Variants in RYR1 observed in about 807,000 individuals in gnomAD.
RYR1 encodes ryanodine receptor 1, also known as central core disease of muscle.
RYR1 carries 342 observed loss-of-function variants against 583.5 expected under a neutral mutation model. The observed-to-expected ratio is 0.59, with a 90% confidence interval of 0.54 to 0.64. The LOEUF (loss-of-function observed/expected upper bound fraction) is 0.64. Ranked by LOEUF, RYR1 falls within the 30% of genes least tolerant of loss-of-function variation. RYR1 has a pLI of 0.00. For synonymous variants in RYR1, 2,791 were observed against 2,822.5 expected (o/e 0.99, Z 0.35); for missense variants, 6,032 against 6,917.2 (o/e 0.87, Z 4.54).
chr19:38,538,913 T>C (rs1972086624), intron 84 of RYR1, among the ~76,000 whole-genome samples: 1 of 152,192 alleles, frequency 6.6e-6, no homozygotes, highest in Non-Finnish European at 1.5e-5. Context: ...TTCTACCCAA[T>C]GCCATTTCCT....
rs764262446 is a variant in RYR1 at position 38,452,824 on chromosome 19, T to C, written c.1250T>C (p.Leu417Pro). Residue 417 changes from leucine (L) to proline (P), a missense_variant, in exon 13 of 106, where the codon CTG (leucine) becomes CCG (proline). Physicochemically the swap from Leu to Pro is moderately conservative, Grantham distance 98. Around this residue, in one of 11 missense-constraint regions of RYR1, gnomAD observed 2,627 missense variants for 2,961.3 expected, o/e 0.89. Coordinates refer to ENST00000359596, the MANE Select transcript of RYR1 (RefSeq NM_000540.3). The stretch of plus-strand genomic sequence containing the variant: ...CAGCTGCGAGGTCCCTGTAGGAGCC[T>C]GGACAGCTTCAGCGGGAAGCCACGG... ...NGLYNQFIKS[L>P]DSFSGKPRGS... 19 of 1,591,452 alleles carry C rather than the reference T, an allele frequency of 1.2e-5. No homozygotes were observed. The Admixed American group carries it at 1.4e-4, about 12-fold the overall frequency.
At chr19:38,433,915 G>A in intron 1 of RYR1, 41 bp downstream of exon 1, 1 of 1,572,798 alleles carries the variant, frequency 6.4e-7, no homozygotes, top group Non-Finnish European at 8.8e-7. Flanking sequence ...GCTATCTCTT[G>A]GGGCTCTCTG....
intron 54 of RYR1, 143 bp from the exon 55 acceptor site, chr19:38,506,160 C>A: frequency 9.6e-7 from 1 of 1,045,092 alleles, no homozygotes; most frequent in Non-Finnish European, 1.4e-6. Context: ...GGTTTAGAGA[C>A]AGGGCCTTAA....
chr19:38,463,497 C>T lies in RYR1; in HGVS notation c.2652C>T (p.Thr884=). ...AENIHELWAL[T]RIEQGWTYGP... ...ACATCCACGAGCTCTGGGCGCTAAC[C>T]CGCATCGAGCAGGGCTGGACCTACG... The change falls in exon 21 of 106, where the codon ACC becomes ACT. Residue 884 remains threonine (T), a synonymous_variant. Transcript: ENST00000359596. 1 of 1,613,216 alleles carries T rather than the reference C, an allele frequency of 6.2e-7. No homozygotes were observed. Among genetic ancestry groups the T allele is most frequent in the Non-Finnish European group, 8.5e-7 (1 of 1,179,988 alleles).
At chr19:38,521,183 G>A (rs1318582066) in intron 67 of RYR1, among the ~76,000 whole-genome samples, 1 of 152,072 alleles carries the variant, frequency 6.6e-6, no homozygotes, top group Admixed American at 6.6e-5. Context: ...CTCAGGCTGG[G>A]ACTGGGAGGC....
chr19:38,528,998 G>T lies in RYR1; in HGVS notation c.11082G>T (p.Lys3694Asn), dbSNP rs928969739. 1.2e-6 allele frequency: 2 copies of T among 1,613,688 alleles called. No individual in the cohort carries two copies. The highest frequency in any genetic ancestry group is 1.7e-6 in the Non-Finnish European group (2 of 1,179,870). The change falls in exon 76 of 106, where the codon AAG becomes AAT. Residue 3694 changes from lysine to asparagine, a missense_variant. By Grantham distance (94) the Lys-to-Asn change is moderately conservative. Coordinates refer to ENST00000359596, the MANE Select transcript of RYR1 (RefSeq NM_000540.3). ...AGGAGGAAGAGGTGGAAGAGAAGAA[G>T]CCAGACCCCCTGCACCAGTTGGTCC... Reference protein sequence around the residue: ...EEEEEEVEEKKPDPLHQLVLH... With the variant: ...EEEEEEVEEKNPDPLHQLVLH...
rs776649883 is a variant in RYR1, at chr19:38,490,726, C to T, written c.6121C>T (p.His2041Tyr). 5.0e-6 allele frequency: 8 copies of T among 1,608,216 alleles called. No homozygotes were observed. Among genetic ancestry groups the T allele is most frequent in the Non-Finnish European group, 6.8e-6 (8 of 1,174,510 alleles). Residue 2041 changes from histidine (H) to tyrosine (Y), a missense_variant, in exon 37 of 106, where the codon CAC becomes TAC. Physicochemically the swap from His to Tyr is moderately conservative, Grantham distance 83. This residue lies in a region of RYR1 where 2,627 missense variants were observed against 2,961.3 expected (regional missense o/e 0.89). Coordinates refer to ENST00000359596, the MANE Select transcript of RYR1 (RefSeq NM_000540.3). ...TGACTTTCATCAAGACCTGCTGGCA[C>T]ACTGTGGTAAGGAGTGGGGATCAGA... is the stretch of plus-strand genomic sequence containing the variant. ...LLDFHQDLLA[H>Y]CGIQLDGEEE...
intron 90 of RYR1, among the ~76,000 whole-genome samples, chr19:38,563,241 G>A (rs1174558514): frequency 5.3e-5 from 8 of 152,196 alleles, no homozygotes; most frequent in Admixed American, 2.6e-4. Flanking sequence ...GCACCTGTGG[G>A]GCAGTATAAT....
At chr19:38,507,058 G>C (rs994999964) in intron 57 of RYR1, 106 bp downstream of exon 57, 1 of 1,552,354 alleles carries the variant, frequency 6.4e-7, no homozygotes, top group East Asian at 2.3e-5. Flanking sequence ...AACGGGGCCT[G>C]AGGAGCAAAG....
At position 38,528,412 on chromosome 19, in the gene RYR1, T is replaced by C; in HGVS notation, c.10931T>C (p.Leu3644Pro). The C allele has an allele frequency of 6.2e-7, 1 of 1,614,066 alleles. No individual in the cohort carries two copies. The highest frequency in any genetic ancestry group is 8.5e-7 in the Non-Finnish European group (1 of 1,179,998). The change falls in exon 74 of 106, where the codon CTG (leucine) becomes CCG (proline). Residue 3644 changes from leucine to proline, a missense_variant. Physicochemically the swap from Leu to Pro is moderately conservative, Grantham distance 98. This residue lies in a region of RYR1 where 1,493 missense variants were observed against 1,715.5 expected (regional missense o/e 0.87). Coordinates refer to ENST00000359596, the MANE Select transcript of RYR1 (RefSeq NM_000540.3). Reference sequence around the variant, plus strand: ...TTCCGTATGACGCCCCTGTACAACCTGCCCACGTAAGGCCCCCAGGGACAA... The same window carrying C: ...TTCCGTATGACGCCCCTGTACAACCCGCCCACGTAAGGCCCCCAGGGACAA... ...ACFRMTPLYN[L>P]PTHRACNMFL...
At position 38,439,197 on chromosome 19, in the gene RYR1, T is replaced by TG. The variant is rs569481132; in HGVS notation, c.46-1547dup. ...CCTATACCATTACTATTTTTTTTTT[T>TG]GTTTGTTTTTTGAGATGGAGTTTTC... is the stretch of plus-strand genomic sequence containing the variant. On this transcript the variant is annotated intron_variant, in intron 1 of 105. Transcript: ENST00000359596. Among the ~76,000 whole-genome samples, 251 of 151,918 alleles carry TG rather than the reference T, an allele frequency of 1.7e-3. 4 individuals are homozygous for TG. The highest frequency in any genetic ancestry group is 6.8e-3 in the Middle Eastern group (2 of 292).
At chr19:38,581,503 C>T (rs1974207447) in intron 101 of RYR1, among the ~76,000 whole-genome samples, 1 of 152,126 alleles carries the variant, frequency 6.6e-6, no homozygotes, top group Admixed American at 6.6e-5. Flanking sequence ...GTGTGAGCCG[C>T]CGCACCTGGC....
At chr19:38,537,130 T>C in intron 83 of RYR1, 2 of 370,662 alleles carry the variant, frequency 5.4e-6, no homozygotes, top group Non-Finnish European at 1.0e-5. Context: ...CACTCCCACC[T>C]ACTCTGCTCT....
chr19:38,470,591 C>T (rs1380242796), intron 27 of RYR1, among the ~76,000 whole-genome samples: 1 of 151,950 alleles, frequency 6.6e-6, no homozygotes, highest in Non-Finnish European at 1.5e-5. Context: ...AATACTCCCC[C>T]AAAATTAATG....
intron 89 of RYR1, among the ~76,000 whole-genome samples, chr19:38,556,237 C>T (rs1972873541): frequency 6.6e-6 from 1 of 151,886 alleles, no homozygotes; most frequent in Non-Finnish European, 1.5e-5. Flanking sequence ...AATCCCAGCA[C>T]TTTGGGAGGC....
At position 38,444,314 on chromosome 19, in the gene RYR1, C is replaced by A; in HGVS notation, c.537+53C>A. The A allele has an allele frequency of 7.2e-7, 1 of 1,386,292 alleles. No individual in the cohort carries two copies. The highest frequency in any genetic ancestry group is 1.0e-6 in the Non-Finnish European group (1 of 981,740). 85.9% of individuals were successfully genotyped at this position (1,386,292 alleles called of 1,614,324 possible). A position where few individuals can be genotyped will look rare whatever the true frequency, so the allele number is the denominator to read the frequency against. On this transcript the variant is annotated intron_variant, in intron 6 of 105. Coordinates refer to ENST00000359596, the MANE Select transcript of RYR1 (RefSeq NM_000540.3). This position sits in a 1 kb window ranked among gnomAD's most constrained non-coding sequence, Gnocchi z 5.1. ...CAGGTCTGGGGGCGCATGGGATGGT[C>A]CCCATCTTCTCACCATGGGTTTGCC...
chr19:38,446,514 A>G lies in RYR1; in HGVS notation c.674A>G (p.His225Arg). 6.2e-7 allele frequency: 1 copy of G among 1,614,194 alleles called. No individual in the cohort carries two copies. The highest frequency in any genetic ancestry group is 1.3e-5 in the African/African-American group (1 of 75,046). ...CACGTCCTCCGCCTCTTTCATGGACATATGGATGAGTGTCTGACCATTTCC... is the reference window on the plus strand; with the variant it reads ...CACGTCCTCCGCCTCTTTCATGGACGTATGGATGAGTGTCTGACCATTTCC... ...GGHVLRLFHG[H>R]MDECLTISPA... is the part of the protein sequence containing the mutation. Residue 225 changes from histidine (H) to arginine (R), a missense_variant, in exon 8 of 106, where the codon CAT becomes CGT. Around this residue, in one of 11 missense-constraint regions of RYR1, gnomAD observed 338 missense variants for 441.6 expected, o/e 0.77. Transcript: ENST00000359596.
At position 38,565,676 on chromosome 19, in the gene RYR1, C is replaced by T. The variant is rs886054407; in HGVS notation, c.13342C>T (p.Pro4448Ser). 7.9e-6 allele frequency: 11 copies of T among 1,396,104 alleles called. No individual in the cohort carries two copies. Among genetic ancestry groups the T allele is most frequent in the South Asian group, 1.6e-5 (1 of 62,414 alleles). 86.5% of individuals were successfully genotyped at this position (1,396,104 alleles called of 1,614,324 possible). Residue 4448 changes from proline (P) to serine (S), a missense_variant, in exon 91 of 106, where the codon CCC becomes TCC. Physicochemically the swap from Pro to Ser is moderately conservative, Grantham distance 74. Around this residue, in one of 11 missense-constraint regions of RYR1, gnomAD observed 753 missense variants for 759.6 expected, o/e 0.99. Coordinates refer to ENST00000359596, the MANE Select transcript of RYR1 (RefSeq NM_000540.3). This position sits in a 1 kb window ranked among gnomAD's most constrained non-coding sequence, Gnocchi z 4.7. ...CGTGACCGATGGGGGCCCCTTCCGG[C>T]CCGAAGGGGCTGGCGGTCTCGGGGA... ...VAVTDGGPFR[P>S]EGAGGLGDMG...
chr19:38,512,594 T>C lies in RYR1; in HGVS notation c.9472+111T>C. ...GTTTGAATGTGTGGATTTCTTGCTG[T>C]AAGCAAAGCATGCAGTCAGTACCTT... On this transcript the variant is annotated intron_variant, in intron 63 of 105. Coordinates refer to ENST00000359596, the MANE Select transcript of RYR1 (RefSeq NM_000540.3). This position sits in a 1 kb window ranked among gnomAD's most constrained non-coding sequence, Gnocchi z 5.1. The C allele has an allele frequency of 9.5e-7, 1 of 1,055,830 alleles. No homozygotes were observed. The highest frequency in any genetic ancestry group is 1.4e-6 in the Non-Finnish European group (1 of 690,790). The allele number at this position is 1,055,830 out of a possible 1,614,324, so 65.4% of individuals were successfully genotyped here.
Sources: allele counts gnomAD v4.1 joint callset (sites outside exome capture counted in the v4.1 genomes callset), GRCh38; gene constraint gnomAD v4.1.1; regional missense constraint gnomAD v4.1.1; non-coding constraint Gnocchi (gnomAD v3.1); transcripts MANE v1.5; gene names NCBI Gene and HGNC (gene_info 2026-07-23, HGNC 2026-07-21).